EYA1: variants seen among roughly 807,000 people sequenced by gnomAD.
The protein encoded by EYA1 is EYA transcriptional coactivator and phosphatase 1, also known as protein phosphatase EYA1.
EYA1 carries 16 observed loss-of-function variants against 82.0 expected under a neutral mutation model. The ratio of observed to expected loss-of-function variants is 0.20; its 90% CI spans 0.13 to 0.30. The LOEUF (loss-of-function observed/expected upper bound fraction) is 0.30. Among genes scored for constraint, EYA1 ranks in the 10% least tolerant of loss-of-function variants. The pLI, the probability that EYA1 is intolerant of heterozygous loss-of-function variation, is 1.00. For missense variants in EYA1, 633 were observed against 730.7 expected (o/e 0.87, Z 1.54); for synonymous variants, 261 against 264.4 (o/e 0.99, Z 0.12).
intron 3 of EYA1, among the ~76,000 whole-genome samples, chr8:71,337,059 C>A (rs1824575084): frequency 6.6e-6 from 1 of 152,178 alleles, no homozygotes; most frequent in Non-Finnish European, 1.5e-5. Context: ...ACTAGCACCA[C>A]CACATTTATA....
rs375562870 is a variant in EYA1, at chr8:71,479,030, T to C, written c.33+56714A>G. 1.5e-4 allele frequency among the ~76,000 whole-genome samples: 23 copies of C among 152,278 alleles called. 1 individual carries two copies. The highest frequency in any genetic ancestry group is 5.5e-4 in the African/African-American group (23 of 41,566). ...ACAACCCTGCAATGATGCACCACTT[T>C]TCTGCAAACAAAAGCCTTAACCAGG... is the stretch of plus-strand genomic sequence containing the variant. On this transcript the variant is annotated intron_variant, in intron 2 of 18. Transcript: ENST00000643681.
chr8:71,524,500 A>G (rs535809839), intron 2 of EYA1, among the ~76,000 whole-genome samples: 5 of 152,364 alleles, frequency 3.3e-5, no homozygotes, highest in East Asian at 1.9e-4. Context: ...TATGCAAAGC[A>G]TAAAATTTTA....
chr8:71,473,759 A>G (rs1346927938), intron 2 of EYA1, among the ~76,000 whole-genome samples: 1 of 152,218 alleles, frequency 6.6e-6, no homozygotes, highest in East Asian at 1.9e-4. Flanking sequence ...ACGTATGTTT[A>G]TTGCAGCACT....
intron 2 of EYA1, among the ~76,000 whole-genome samples, chr8:71,474,880 C>A (rs748714695): frequency 6.6e-6 from 1 of 152,080 alleles, no homozygotes; most frequent in Non-Finnish European, 1.5e-5. Flanking sequence ...GCCTGTAATC[C>A]CAGCACTTTG....
chr8:71,529,741 C>T (rs998563873), intron 2 of EYA1: 1 of 151,924 alleles, frequency 6.6e-6, no homozygotes, highest in Non-Finnish European at 1.5e-5. Context: ...GTGGGTTAGC[C>T]AGCACTGTGC....
chr8:71,246,260 G>C (rs1279335755), intron 11 of EYA1, among the ~76,000 whole-genome samples: 3 of 152,140 alleles, frequency 2.0e-5, no homozygotes, highest in Non-Finnish European at 4.4e-5. Context: ...GCAAACCTTT[G>C]GAATAAGTAT....
chr8:71,391,978 TAG>T (rs1428123513), intron 2 of EYA1, among the ~76,000 whole-genome samples: 1 of 152,132 alleles, frequency 6.6e-6, no homozygotes, highest in Non-Finnish European at 1.5e-5. Context: ...GGCTGAAAAA[TAG>T]AGTTTCTCTC....
chr8:71,535,981 T>G, intron 1 of EYA1: 1 of 392,456 alleles, frequency 2.5e-6, no homozygotes, highest in Non-Finnish European at 4.5e-6. Context: ...ACTGAATGAG[T>G]CTTTAAAATA....
At chr8:71,362,155 C>CTTTTTTTTTTTTTTTTT (rs35320129), upstream of EYA1, 4 of 824,622 alleles carry the variant, frequency 4.9e-6, no homozygotes, top group African/African-American at 2.8e-5. Flanking sequence ...TCGGGGCTTT[C>CTTTTTTTTTTTTTTTTT]TTTTTTTTTT....
Position 71,531,821 on chromosome 8 carries a change from C to T in EYA1, c.33+3923G>A, listed in dbSNP as rs1451876639. ...GATGTGAAAGCCCACAAACCTCCTC[C>T]TCTCCATGATGTCCTCATGAAGTGA... On this transcript the variant is annotated intron_variant, in intron 2 of 18. Coordinates refer to the EYA1 transcript ENST00000643681. Among the ~76,000 whole-genome samples the T allele has an allele frequency of 2.0e-5, 3 of 152,270 alleles. No individual in the cohort carries two copies. The East Asian group carries it at 5.8e-4, about 29-fold the overall frequency.
intron 11 of EYA1, among the ~76,000 whole-genome samples, chr8:71,257,162 C>G (rs1362384650): frequency 3.3e-5 from 5 of 151,978 alleles, no homozygotes; most frequent in Non-Finnish European, 7.4e-5. Context: ...ATACTCAACT[C>G]TATACAAATT....
chr8:71,426,107 T>G (rs1454078348), intron 2 of EYA1, among the ~76,000 whole-genome samples: 1 of 152,202 alleles, frequency 6.6e-6, no homozygotes, highest in Non-Finnish European at 1.5e-5. Flanking sequence ...GAATATGCAT[T>G]TATAAGTTAA....
intron 9 of EYA1, among the ~76,000 whole-genome samples, chr8:71,282,931 C>A (rs994960612): frequency 1.4e-5 from 2 of 141,912 alleles, no homozygotes; most frequent in Admixed American, 8.1e-5. Context: ...CTCTTCAACA[C>A]CACCTTGTTT....
At position 71,198,014 on chromosome 8, in the gene EYA1, G is replaced by GAAGA. The variant is rs1382438509; in HGVS notation, c.*1322_*1325dup. The GAAGA allele has an allele frequency of 6.6e-6, 1 of 152,188 alleles. No homozygotes were observed. Among genetic ancestry groups the GAAGA allele is most frequent in the Non-Finnish European group, 1.5e-5 (1 of 68,034 alleles). The allele number at this position is 152,188 out of a possible 1,614,324, so 9.4% of individuals were successfully genotyped here. ...CAATGAACCTTCCTCAGGGTGACAG[G>GAAGA]AAGAAAGAGAAAATACGCACATAGG... On this transcript the variant is annotated 3_prime_UTR_variant, in exon 18 of 18. Transcript: ENST00000340726.
At chr8:71,484,960 G>A (rs1485784295) in intron 2 of EYA1, among the ~76,000 whole-genome samples, 2 of 152,210 alleles carry the variant, frequency 1.3e-5, no homozygotes, top group Non-Finnish European at 2.9e-5. Flanking sequence ...CATAAGCAAA[G>A]CTCTGTGCCT....
intron 11 of EYA1, among the ~76,000 whole-genome samples, chr8:71,246,916 C>G (rs563374435): frequency 6.6e-6 from 1 of 151,718 alleles, no homozygotes; most frequent in Admixed American, 6.6e-5. Context: ...TGCCCACACC[C>G]CTCCAGCACT....
At chr8:71,346,409 CTTTTA>C (rs1825709702) in intron 3 of EYA1, among the ~76,000 whole-genome samples, 1 of 138,766 alleles carries the variant, frequency 7.2e-6, no homozygotes, top group Non-Finnish European at 1.5e-5. Context: ...CACATACACA[CTTTTA>C]TTTTTTTACT....
intron 2 of EYA1, among the ~76,000 whole-genome samples, chr8:71,473,411 A>G (rs936583130): frequency 2.0e-5 from 3 of 152,124 alleles, no homozygotes; most frequent in Non-Finnish European, 4.4e-5. Context: ...ACACTTCTCA[A>G]AAGAAGTCAT....
At chr8:71,519,628 A>C (rs1368776041) in intron 2 of EYA1, among the ~76,000 whole-genome samples, 1 of 151,748 alleles carries the variant, frequency 6.6e-6, no homozygotes, top group East Asian at 1.9e-4. Context: ...AATTAGAGCA[A>C]GCAATTTCTC....
Sources: allele counts gnomAD v4.1 joint callset (sites outside exome capture counted in the v4.1 genomes callset), GRCh38; gene constraint gnomAD v4.1.1; transcripts MANE v1.5; gene names NCBI Gene and HGNC (gene_info 2026-07-23, HGNC 2026-07-21).